RAB18: variants seen among roughly 807,000 people sequenced by gnomAD.
RAB18 encodes ras-related protein Rab-18.
RAB18 carries 10 observed loss-of-function variants against 28.5 expected under a neutral mutation model. That is an observed-to-expected ratio of 0.35 (90% CI 0.22 to 0.60). The LOEUF is 0.60. Among genes scored for constraint, RAB18 ranks in the 20% least tolerant of loss-of-function variants. RAB18 has a pLI of 0.78. For missense variants in RAB18, 188 were observed against 244.2 expected, an observed-to-expected ratio of 0.77 and a Z score of 1.53; for synonymous variants, 93 against 86.9, an observed-to-expected ratio of 1.07 and a Z score of -0.39.
intron 1 of RAB18, among the ~76,000 whole-genome samples, chr10:27,505,735 C>G (rs913292027): frequency 2.0e-5 from 3 of 151,972 alleles, no homozygotes; most frequent in Middle Eastern, 3.2e-3. Flanking sequence ...AACTTTTGTA[C>G]TGTTAGTAGA....
Position 27,504,381 on chromosome 10 carries a change from C to T in RAB18, c.12C>T (p.Asp4=). 16 of 1,575,854 alleles carry T rather than the reference C, an allele frequency of 1.0e-5. No homozygotes were observed. Among genetic ancestry groups the T allele is most frequent in the Non-Finnish European group, 1.3e-5 (15 of 1,161,108 alleles). Residue 4 remains aspartate, a synonymous_variant, in exon 1 of 7, where the codon GAC becomes GAT. Coordinates refer to ENST00000356940, the MANE Select transcript of RAB18 (RefSeq NM_021252.5). ...GGAACGGGGTCAGGATGGACGAGGA[C>T]GTGCTAACCACCCTGAAGATCCTCA... MDE[D]VLTTLKILII... is the part of the protein sequence containing the mutation.
intron 2 of RAB18, chr10:27,514,229 G>A (rs529631911): frequency 4.6e-4 from 70 of 152,214 alleles, no homozygotes; most frequent in African/African-American, 1.6e-3. Flanking sequence ...AAAAAAGGAA[G>A]AAAGAAACAG....
chr10:27,524,957 C>T (rs944082614), intron 2 of RAB18, among the ~76,000 whole-genome samples: 6 of 152,116 alleles, frequency 3.9e-5, no homozygotes, highest in Admixed American at 1.3e-4. Flanking sequence ...GATGGCAGGA[C>T]GACAGTGTTC....
intron 3 of RAB18, among the ~76,000 whole-genome samples, chr10:27,531,064 T>G (rs902017140): frequency 1.3e-5 from 2 of 152,088 alleles, no homozygotes; most frequent in African/African-American, 4.8e-5. Context: ...TGTAAGAAAC[T>G]TAGAGGCAGA....
At chr10:27,530,993 T>C (rs1265978825) in intron 3 of RAB18, among the ~76,000 whole-genome samples, 1 of 152,088 alleles carries the variant, frequency 6.6e-6, no homozygotes, top group Non-Finnish European at 1.5e-5. Context: ...ATTTATATTA[T>C]TGTTCTTGAA....
chr10:27,533,737 T>A lies in RAB18; in HGVS notation c.262T>A (p.Tyr88Asn). 6.2e-7 allele frequency: 1 copy of A among 1,613,166 alleles called. No homozygotes were observed. ...YRGAQGVILV[Y>N]DVTRRDTFVK... ...ACAAATGACTCCTTTTATTTCAGTT[T>A]ATGATGTCACAAGAAGAGATACATT... Residue 88 changes from tyrosine to asparagine, a missense_variant and splice_region_variant, in exon 5 of 7, where the codon TAT becomes AAT. By Grantham distance (143) the Tyr-to-Asn change is moderately radical. Transcript: ENST00000356940.
chr10:27,536,808 G>C lies in RAB18; in HGVS notation c.446-1068G>C, dbSNP rs79920170. 3.9e-3 allele frequency among the ~76,000 whole-genome samples: 592 copies of C among 152,230 alleles called. 9 individuals are homozygous for C. Among genetic ancestry groups the C allele is most frequent in the East Asian group, 0.032 (167 of 5,188 alleles). Reference sequence around the variant, plus strand: ...CAAGATAAAGGGTGTTGGTGGTCTTGGAAAAGAATGATTTCAGTGGAGTGG... The same window carrying C: ...CAAGATAAAGGGTGTTGGTGGTCTTCGAAAAGAATGATTTCAGTGGAGTGG... On this transcript the variant is annotated intron_variant, in intron 6 of 6. Coordinates refer to ENST00000356940, the MANE Select transcript of RAB18 (RefSeq NM_021252.5).
At chr10:27,511,181 G>A (rs879757375) in intron 2 of RAB18, among the ~76,000 whole-genome samples, 13 of 151,990 alleles carry the variant, frequency 8.6e-5, no homozygotes, top group Non-Finnish European at 1.6e-4. Context: ...TTTCTCTTTA[G>A]CCTCTTTTAT....
chr10:27,530,148 A>T (rs539665591), intron 3 of RAB18, among the ~76,000 whole-genome samples: 40 of 152,088 alleles, frequency 2.6e-4, no homozygotes, highest in Non-Finnish European at 4.3e-4. Context: ...CCAGCTCTGG[A>T]AGTTATGGAT....
At chr10:27,529,527 A>C (rs1033400004) in intron 3 of RAB18, among the ~76,000 whole-genome samples, 1 of 151,796 alleles carries the variant, frequency 6.6e-6, no homozygotes, top group Non-Finnish European at 1.5e-5. Context: ...GTTTTCTTCT[A>C]CTGCCTTTTC....
At chr10:27,512,626 T>TA (rs1834346702) in intron 2 of RAB18, among the ~76,000 whole-genome samples, 1 of 152,158 alleles carries the variant, frequency 6.6e-6, no homozygotes, top group African/African-American at 2.4e-5. Flanking sequence ...TTTACTCCTA[T>TA]AAAAAATTAC....
chr10:27,517,380 T>G (rs556647130), intron 2 of RAB18, among the ~76,000 whole-genome samples: 2 of 152,068 alleles, frequency 1.3e-5, no homozygotes, highest in African/African-American at 4.8e-5. Flanking sequence ...AAAAAAAGAA[T>G]TTGATGAAAA....
chr10:27,507,336 G>C (rs1371694381), intron 1 of RAB18, among the ~76,000 whole-genome samples: 1 of 152,212 alleles, frequency 6.6e-6, no homozygotes, highest in Non-Finnish European at 1.5e-5. Context: ...TGCCACTTGT[G>C]TGACCTTGTG....
At chr10:27,524,071 C>T (rs1834624553) in intron 2 of RAB18, among the ~76,000 whole-genome samples, 1 of 151,656 alleles carries the variant, frequency 6.6e-6, no homozygotes, top group Non-Finnish European at 1.5e-5. Flanking sequence ...CAGAGCAAGA[C>T]TCCGTCTCAA....
At position 27,533,700 on chromosome 10, in the gene RAB18, A is replaced by G. The variant is rs1194480350; in HGVS notation, c.260-35A>G. The G allele has an allele frequency of 6.2e-6, 10 of 1,608,242 alleles. No individual in the cohort carries two copies. In the African/African-American group the frequency reaches 1.2e-4, roughly 19 times the overall value. Reference sequence around the variant, plus strand: ...GAAATACGCCATTGCTTCTTTCTTTAATGCTTATTTAACAAATGACTCCTT... The same window carrying G: ...GAAATACGCCATTGCTTCTTTCTTTGATGCTTATTTAACAAATGACTCCTT... On this transcript the variant is annotated intron_variant, in intron 4 of 6. Coordinates refer to ENST00000356940, the MANE Select transcript of RAB18 (RefSeq NM_021252.5).
At chr10:27,510,151 C>G (rs2138971660) in intron 2 of RAB18, 1 of 573,666 alleles carries the variant, frequency 1.7e-6, no homozygotes, top group South Asian at 2.0e-5. Context: ...TCTCATGATA[C>G]TTTATTAAAA....
rs142101588 is a variant in RAB18 at position 27,539,119 on chromosome 10, A to C, written c.*1068A>C. ...TTACTTAACAAGTAACCAGTAGTTC[A>C]TCAAAACCAACTTGTACAGACTAAT... On this transcript the variant is annotated 3_prime_UTR_variant, in exon 7 of 7. Transcript: ENST00000356940. 189 of 402,012 alleles carry C rather than the reference A, an allele frequency of 4.7e-4. 1 individual carries two copies. The highest frequency in any genetic ancestry group is 3.8e-3 in the African/African-American group (183 of 48,108). 24.9% of individuals were successfully genotyped at this position (402,012 alleles called of 1,614,324 possible).
intron 2 of RAB18, among the ~76,000 whole-genome samples, chr10:27,522,678 A>G (rs1472203383): frequency 6.6e-6 from 1 of 151,928 alleles, no homozygotes; most frequent in African/African-American, 2.4e-5. Context: ...CTCTCTTCAC[A>G]TTTCCTTTTT....
intron 2 of RAB18, among the ~76,000 whole-genome samples, chr10:27,522,934 T>C (rs1479396357): frequency 6.6e-6 from 1 of 152,100 alleles, no homozygotes; most frequent in African/African-American, 2.4e-5. Flanking sequence ...TTATCAGTTT[T>C]ATTGGTTTTC....
Sources: gnomAD v4.1 joint callset for allele counts (sites outside exome capture counted in the v4.1 genomes callset) on GRCh38, gnomAD v4.1.1 for gene constraint, MANE v1.5 for transcripts, NCBI Gene and HGNC (gene_info 2026-07-23, HGNC 2026-07-21) for gene names.